Variants in SUSD5 observed in about 807,000 individuals in gnomAD.
The protein encoded by SUSD5 is sushi domain-containing protein 5.
A neutral mutation model predicts 29.5 loss-of-function variants in SUSD5; 33 were observed. That is an observed-to-expected ratio of 1.12 (90% CI 0.85 to 1.49). The LOEUF (loss-of-function observed/expected upper bound fraction) is 1.49. SUSD5 is among the 40% of genes most tolerant of loss of function. The probability of loss-of-function intolerance (pLI) is 0.00; values close to 1 mark genes in which losing one functional copy is unlikely to be tolerated. For missense variants in SUSD5, 776 were observed against 800.6 expected (o/e 0.97, Z 0.37); for synonymous variants, 308 against 325.3 (o/e 0.95, Z 0.57).
At chr3:33,180,270 TCAAA>T (rs2031640289) in intron 3 of SUSD5, among the ~76,000 whole-genome samples, 1 of 152,204 alleles carries the variant, frequency 6.6e-6, no homozygotes. Flanking sequence ...CGTGAAGGTG[TCAAA>T]CAGTGATATT....
chr3:33,178,571 C>T (rs965989742), intron 3 of SUSD5, among the ~76,000 whole-genome samples: 32 of 152,104 alleles, frequency 2.1e-4, no homozygotes, highest in South Asian at 1.9e-3. Context: ...CTCAGCCTCC[C>T]GAGTAGCTGG....
chr3:33,196,553 G>A (rs73047477), intron 3 of SUSD5, among the ~76,000 whole-genome samples: 43,935 of 151,966 alleles, frequency 0.29, 7,025 homozygotes, highest in Non-Finnish European at 0.36. Flanking sequence ...TAACAAAAAA[G>A]AACTTCTGTA....
rs376352499 is a variant in SUSD5, at chr3:33,197,315, GA to G, written c.409+10492del. 3.5e-4 allele frequency among the ~76,000 whole-genome samples: 53 copies of G among 152,064 alleles called. No homozygotes were observed. The South Asian group carries it at 5.4e-3, about 15-fold the overall frequency. On this transcript the variant is annotated intron_variant, in intron 3 of 4. Transcript: ENST00000309558. ...TCTTCAGTTTCCTCATCTGAATAGAGAGAATGATAACACCCTGCCTACAGTA... is the reference window on the plus strand; with the variant it reads ...TCTTCAGTTTCCTCATCTGAATAGAGGAATGATAACACCCTGCCTACAGTA...
At chr3:33,200,981 T>C (rs1384533934) in intron 3 of SUSD5, among the ~76,000 whole-genome samples, 2 of 152,150 alleles carry the variant, frequency 1.3e-5, no homozygotes, top group African/African-American at 2.4e-5. Flanking sequence ...AAAGATGGAA[T>C]TGTTAAGCAA....
At chr3:33,212,998 A>G (rs2125634060) in intron 2 of SUSD5, among the ~76,000 whole-genome samples, 1 of 152,332 alleles carries the variant, frequency 6.6e-6, no homozygotes, top group South Asian at 2.1e-4. Context: ...TATACCAAAC[A>G]ATTAATAGTC....
intron 2 of SUSD5, among the ~76,000 whole-genome samples, 175 bp from the exon 3 acceptor site, chr3:33,208,101 T>C (rs2032256585): frequency 6.6e-6 from 1 of 152,180 alleles, no homozygotes; most frequent in African/African-American, 2.4e-5. Context: ...AATTCAGAAA[T>C]ACAGGTGATG....
intron 4 of SUSD5, among the ~76,000 whole-genome samples, chr3:33,168,016 A>G (rs2031341546): frequency 6.6e-6 from 1 of 152,180 alleles, no homozygotes; most frequent in Non-Finnish European, 1.5e-5. Flanking sequence ...TTCACTGTGC[A>G]TTTATATTTA....
chr3:33,189,350 C>T lies in SUSD5; in HGVS notation c.410-14276G>A, dbSNP rs529358902. On this transcript the variant is annotated intron_variant, in intron 3 of 4. Transcript: ENST00000309558. ...AAAATTACCTGGATGTGGCGGCGCA[C>T]GCCTGTAGTCCCAGCTACTCGGGGA... Among the ~76,000 whole-genome samples the T allele has an allele frequency of 3.5e-3, 537 of 152,096 alleles. 6 individuals carry two copies. Among genetic ancestry groups the T allele is most frequent in the African/African-American group, 0.012 (516 of 41,480 alleles).
Position 33,181,354 on chromosome 3 carries a change from CTTTT to C in SUSD5, c.410-6284_410-6281del, listed in dbSNP as rs61087865. The stretch of plus-strand genomic sequence containing the variant: ...CCCTATACAGATGTATCATTTTCAT[CTTTT>C]TTTTTTTTTTTTTGCATTTGTTTGG... On this transcript the variant is annotated intron_variant, in intron 3 of 4. Transcript: ENST00000309558. Among the ~76,000 whole-genome samples the C allele has an allele frequency of 9.1e-5, 11 of 120,488 alleles. No homozygotes were observed. In the East Asian group the frequency reaches 1.2e-3, roughly 14 times the overall value. The allele number at this position is 120,488 out of a possible 152,430, so 79.0% of individuals were successfully genotyped here.
Position 33,211,550 on chromosome 3 carries a change from C to T in SUSD5, c.290+2378G>A, listed in dbSNP as rs1354550517. ...AGGCTTTGGATGTAGCCTCAGTTGT[C>T]CCTTTATTCAGTTGCTGCTTCATAC... On this transcript the variant is annotated intron_variant, in intron 2 of 4. Transcript: ENST00000309558. 2.6e-5 allele frequency among the ~76,000 whole-genome samples: 4 copies of T among 152,198 alleles called. No homozygotes were observed. In the East Asian group the frequency reaches 5.8e-4, roughly 22 times the overall value.
At chr3:33,179,895 A>T (rs1251623799) in intron 3 of SUSD5, among the ~76,000 whole-genome samples, 1 of 152,188 alleles carries the variant, frequency 6.6e-6, no homozygotes, top group African/African-American at 2.4e-5. Context: ...GAGCTGAAAA[A>T]TTTTTATCAC....
In SUSD5 at chr3:33,150,272, T is replaced by C. The variant is rs2030837795; in HGVS notation, c.*2470A>G. The C allele has an allele frequency of 6.6e-6, 1 of 152,146 alleles. No homozygotes were observed. Among genetic ancestry groups the C allele is most frequent in the South Asian group, 2.1e-4 (1 of 4,824 alleles). The allele number at this position is 152,146 out of a possible 1,614,324, so 9.4% of individuals were successfully genotyped here. A position where few individuals can be genotyped will look rare whatever the true frequency, so the allele number is the denominator to read the frequency against. ...AACTTAAAAACTGATGTGTTGGGTT[T>C]ATTTCACAGTCCATGTCTACAAATA... On this transcript the variant is annotated 3_prime_UTR_variant, in exon 5 of 5. Coordinates refer to ENST00000309558, the MANE Select transcript of SUSD5 (RefSeq NM_015551.2).
In SUSD5 at chr3:33,150,152, A is replaced by G. The variant is rs942161280; in HGVS notation, c.*2590T>C. The G allele has an allele frequency of 6.6e-6, 1 of 152,166 alleles. No homozygotes were observed. The highest frequency in any genetic ancestry group is 1.5e-5 in the Non-Finnish European group (1 of 68,012). 9.4% of individuals were successfully genotyped at this position (152,166 alleles called of 1,614,324 possible). A position where few individuals can be genotyped will look rare whatever the true frequency, so the allele number is the denominator to read the frequency against. ...ATTCACCATTCTCAAAACATGCATG[A>G]CATACAATTTAGATTTACATTGTTT... On this transcript the variant is annotated 3_prime_UTR_variant, in exon 5 of 5. Transcript: ENST00000309558.
At chr3:33,213,278 T>G (rs1258823807) in intron 2 of SUSD5, among the ~76,000 whole-genome samples, 1 of 151,866 alleles carries the variant, frequency 6.6e-6, no homozygotes, top group Non-Finnish European at 1.5e-5. Flanking sequence ...TTGTGGCACA[T>G]GCCTATAGTC....
At chr3:33,195,062 G>A (rs942071939) in intron 3 of SUSD5, among the ~76,000 whole-genome samples, 1 of 152,138 alleles carries the variant, frequency 6.6e-6, no homozygotes, top group East Asian at 1.9e-4. Flanking sequence ...GGGCCTGGTG[G>A]TGCACACCTG....
intron 2 of SUSD5, among the ~76,000 whole-genome samples, chr3:33,213,726 A>C (rs2032368293): frequency 6.6e-6 from 1 of 152,076 alleles, no homozygotes; most frequent in African/African-American, 2.4e-5. Flanking sequence ...GTGAGCCTAG[A>C]TTGCACCACT....
At position 33,151,563 on chromosome 3, in the gene SUSD5, C is replaced by T. The variant is rs971352131; in HGVS notation, c.*1179G>A. 4 of 151,570 alleles carry T rather than the reference C, an allele frequency of 2.6e-5. No individual in the cohort carries two copies. The highest frequency in any genetic ancestry group is 1.3e-4 in the Admixed American group (2 of 15,228). The allele number at this position is 151,570 out of a possible 1,614,324, so 9.4% of individuals were successfully genotyped here. A position where few individuals can be genotyped will look rare whatever the true frequency, so the allele number is the denominator to read the frequency against. ...GAAAACATTTCTTTTTTTTTTCTCC[C>T]GTGTCATTCTCTCTTACTGGAGTTC... On this transcript the variant is annotated 3_prime_UTR_variant, in exon 5 of 5. Transcript: ENST00000309558.
At chr3:33,188,566 T>G (rs1396023163) in intron 3 of SUSD5, among the ~76,000 whole-genome samples, 1 of 152,196 alleles carries the variant, frequency 6.6e-6, no homozygotes, top group Non-Finnish European at 1.5e-5. Context: ...AAAATTTGTA[T>G]TTCTTGAAAG....
At chr3:33,168,133 C>T (rs2031343761) in intron 4 of SUSD5, among the ~76,000 whole-genome samples, 1 of 152,170 alleles carries the variant, frequency 6.6e-6, no homozygotes, top group Non-Finnish European at 1.5e-5. Flanking sequence ...TGGGATGTGG[C>T]TGGGGGCTGC....
Sources: allele counts gnomAD v4.1 joint callset (sites outside exome capture counted in the v4.1 genomes callset), GRCh38; gene constraint gnomAD v4.1.1; transcripts MANE v1.5; gene names NCBI Gene and HGNC (gene_info 2026-07-23, HGNC 2026-07-21).